The following KRT12 variants were observed in gnomAD, a reference collection of about 807,000 sequenced individuals.
KRT12 encodes keratin, type I cytoskeletal 12.
In KRT12, 43 loss-of-function variants were observed where a neutral mutation model predicts 50.2. The observed-to-expected ratio is 0.86, with a 90% CI of 0.67 to 1.11. The LOEUF (loss-of-function observed/expected upper bound fraction) is 1.11. Among genes scored for constraint, KRT12 ranks in the 50% least tolerant of loss-of-function variants. The pLI, the probability that KRT12 is intolerant of heterozygous loss-of-function variation, is 0.00. For missense variants in KRT12, 588 were observed against 625.6 expected, an observed-to-expected ratio of 0.94 and a Z score of 0.64; for synonymous variants, 257 against 253.6, an observed-to-expected ratio of 1.01 and a Z score of -0.13.
intron 7 of KRT12, among the ~76,000 whole-genome samples, chr17:40,861,959 T>C (rs1906818443): frequency 6.6e-6 from 1 of 152,266 alleles, no homozygotes; most frequent in South Asian, 2.1e-4. Flanking sequence ...TGTACATATA[T>C]GAAAACTTTT....
Position 40,863,696 on chromosome 17 carries a change from G to A in KRT12, c.969+7C>T. On this transcript the variant is annotated splice_region_variant and intron_variant, in intron 4 of 7. Transcript: ENST00000251643. The surrounding 1 kb of genome is among the most constrained non-coding windows in gnomAD (Gnocchi z 4.2). ...GAATGTATCAAAGCCTTTGTTGTTT[G>A]TGTTACCTTTTCAATGAACCAGGCT... The A allele has an allele frequency of 1.2e-6, 2 of 1,614,124 alleles. No homozygotes were observed. The highest frequency in any genetic ancestry group is 1.7e-6 in the Non-Finnish European group (2 of 1,180,032).
Position 40,863,633 on chromosome 17 carries a change from G to T in KRT12, c.970-23C>A. ...GCTCTGCAACAGCAAAGACAGCCAG[G>T]GGGCTCGAGCGCTGAGCTCGTTCGC... is the stretch of plus-strand genomic sequence containing the variant. On this transcript the variant is annotated intron_variant, in intron 4 of 7. Coordinates refer to ENST00000251643, the MANE Select transcript of KRT12 (RefSeq NM_000223.4). This position sits in a 1 kb window ranked among gnomAD's most constrained non-coding sequence, Gnocchi z 4.2. 1 of 1,614,212 alleles carries T rather than the reference G, an allele frequency of 6.2e-7. No individual in the cohort carries two copies. The highest frequency in any genetic ancestry group is 1.1e-5 in the South Asian group (1 of 91,088).
At chr17:40,862,735 A>C in intron 6 of KRT12, 100 bp from the exon 7 acceptor site, 2 of 897,448 alleles carry the variant, frequency 2.2e-6, no homozygotes, top group Non-Finnish European at 3.8e-6. Context: ...TGTAGGCCTG[A>C]GTTCTTCCAA....
chr17:40,861,505 G>A lies in KRT12; in HGVS notation c.*156C>T, dbSNP rs1377754942. 3 of 650,732 alleles carry A rather than the reference G, an allele frequency of 4.6e-6. No individual in the cohort carries two copies. The highest frequency in any genetic ancestry group is 8.4e-6 in the Non-Finnish European group (3 of 359,114). 40.3% of individuals were successfully genotyped at this position (650,732 alleles called of 1,614,324 possible). A position where few individuals can be genotyped will look rare whatever the true frequency, so the allele number is the denominator to read the frequency against. ...TGTGACTGAATATTGTTTCAGAAGGGCAAAAAGGATTCAATGTGAATAGGG... is the reference window on the plus strand; with the variant it reads ...TGTGACTGAATATTGTTTCAGAAGGACAAAAAGGATTCAATGTGAATAGGG... On this transcript the variant is annotated 3_prime_UTR_variant, in exon 8 of 8. Coordinates refer to ENST00000251643, the MANE Select transcript of KRT12 (RefSeq NM_000223.4).
chr17:40,863,012 CT>C lies in KRT12; in HGVS notation c.1316+110del. The C allele has an allele frequency of 1.1e-6, 1 of 928,006 alleles. No individual in the cohort carries two copies. The highest frequency in any genetic ancestry group is 1.4e-5 in the South Asian group (1 of 73,194). 57.5% of individuals were successfully genotyped at this position (928,006 alleles called of 1,614,324 possible). A position where few individuals can be genotyped will look rare whatever the true frequency, so the allele number is the denominator to read the frequency against. On this transcript the variant is annotated intron_variant, in intron 6 of 7. Transcript: ENST00000251643. This position sits in a 1 kb window ranked among gnomAD's most constrained non-coding sequence, Gnocchi z 4.2. ...AAATCCCAGGCATATCTTTACTAGA[CT>C]TGTGTTTGTTTGTTTGCTTTTCTGT...
At position 40,863,390 on chromosome 17, in the gene KRT12, G is replaced by A. The variant is rs1246089672; in HGVS notation, c.1096-47C>T. On this transcript the variant is annotated intron_variant, in intron 5 of 7. Transcript: ENST00000251643. The surrounding 1 kb of genome is among the most constrained non-coding windows in gnomAD (Gnocchi z 4.2). ...CATAGAAATAACGATGGAGGGGACCGAAAAGAGGAGGGTAGCCAACGGCTA... is the reference window on the plus strand; with the variant it reads ...CATAGAAATAACGATGGAGGGGACCAAAAAGAGGAGGGTAGCCAACGGCTA... The A allele has an allele frequency of 1.2e-6, 2 of 1,612,962 alleles. No individual in the cohort carries two copies. Among genetic ancestry groups the A allele is most frequent in the Non-Finnish European group, 1.7e-6 (2 of 1,179,022 alleles).
chr17:40,861,687 C>T lies in KRT12; in HGVS notation c.1459G>A (p.Val487Ile). The T allele has an allele frequency of 6.2e-7, 1 of 1,612,536 alleles. No homozygotes were observed. Among genetic ancestry groups the T allele is most frequent in the Non-Finnish European group, 8.5e-7 (1 of 1,178,554 alleles). ...TACATTAGTTCTTCAATTTCCTGAA[C>T]TTGAGATGAGACCACCTCACCATTC... is the stretch of plus-strand genomic sequence containing the variant. ...MVNGEVVSSQVQEIEELM is the reference protein window; with the variant it reads ...MVNGEVVSSQIQEIEELM Residue 487 changes from valine to isoleucine, a missense_variant, in exon 8 of 8, where the codon GTT becomes ATT. Transcript: ENST00000251643.
At position 40,863,767 on chromosome 17, in the gene KRT12, C is replaced by T. The variant is rs1266919613; in HGVS notation, c.905G>A (p.Arg302Gln). The change falls in exon 4 of 8, where the codon CGG becomes CAG. Residue 302 changes from arginine to glutamine, a missense_variant. By Grantham distance (43) the Arg-to-Gln change is conservative. Coordinates refer to ENST00000251643, the MANE Select transcript of KRT12 (RefSeq NM_000223.4). This position sits in a 1 kb window ranked among gnomAD's most constrained non-coding sequence, Gnocchi z 4.2. Reference protein sequence around the residue: ...VDLTRLLNDMRAQYETIAEQN... With the variant: ...VDLTRLLNDMQAQYETIAEQN... Reference sequence around the variant, plus strand: ...CTCAGCGATGGTTTCATACTGCGCCCGCATATCATTGAGGAGCCTGGTGAG... The same window carrying T: ...CTCAGCGATGGTTTCATACTGCGCCTGCATATCATTGAGGAGCCTGGTGAG... The T allele has an allele frequency of 1.2e-6, 2 of 1,613,116 alleles. No homozygotes were observed. The highest frequency in any genetic ancestry group is 8.5e-7 in the Non-Finnish European group (1 of 1,180,010).
At chr17:40,862,737 T>C in intron 6 of KRT12, 102 bp from the exon 7 acceptor site, 1 of 871,104 alleles carries the variant, frequency 1.1e-6, no homozygotes, top group Non-Finnish European at 2.0e-6. Flanking sequence ...TAGGCCTGAG[T>C]TCTTCCAACT....
intron 3 of KRT12, 33 bp downstream of exon 3, chr17:40,864,773 A>T: frequency 6.2e-7 from 1 of 1,610,722 alleles, no homozygotes; most frequent in South Asian, 1.1e-5. Flanking sequence ...GAAAAAAAAA[A>T]GTAGCTGAGT....
intron 3 of KRT12, 128 bp downstream of exon 3, chr17:40,864,678 C>A (rs1160910764): frequency 2.1e-6 from 2 of 960,938 alleles, no homozygotes; most frequent in African/African-American, 3.2e-5. Flanking sequence ...AACAAATGGC[C>A]ATTTTAACAG....
At chr17:40,864,602 C>T (rs1188850009) in intron 3 of KRT12, among the ~76,000 whole-genome samples, 1 of 152,052 alleles carries the variant, frequency 6.6e-6, no homozygotes, top group Non-Finnish European at 1.5e-5. Context: ...GCAGGAACCA[C>T]CATCACTACT....
At position 40,866,936 on chromosome 17, in the gene KRT12, C is replaced by G. The variant is rs756755206; in HGVS notation, c.251G>C (p.Gly84Ala). 6.2e-7 allele frequency: 1 copy of G among 1,610,680 alleles called. No homozygotes were observed. Among genetic ancestry groups the G allele is most frequent in the South Asian group, 1.1e-5 (1 of 90,750 alleles). ...ACCTCCACCCAGGGCTCTCCCATAA[C>G]CAGCACCCAGTCCTCCTGCCATGGA... is the stretch of plus-strand genomic sequence containing the variant. ...GSSMAGGLGA[G>A]YGRALGGGSF... The change falls in exon 1 of 8, where the codon GGT becomes GCT. Residue 84 changes from glycine (G) to alanine (A), a missense_variant. Coordinates refer to ENST00000251643, the MANE Select transcript of KRT12 (RefSeq NM_000223.4).
At chr17:40,862,057 T>C (rs988791121) in intron 7 of KRT12, among the ~76,000 whole-genome samples, 2 of 152,140 alleles carry the variant, frequency 1.3e-5, no homozygotes, top group African/African-American at 4.8e-5. Flanking sequence ...CCATTTTTTT[T>C]ATTTTTTAAT....
intron 3 of KRT12, among the ~76,000 whole-genome samples, 158 bp from the exon 4 acceptor site, chr17:40,864,022 A>G (rs1455912427): frequency 6.6e-6 from 1 of 150,934 alleles, no homozygotes; most frequent in Non-Finnish European, 1.5e-5. Context: ...CTGTTGGTAT[A>G]AAGACAAATA....
At chr17:40,866,460 G>A (rs1907026093) in intron 1 of KRT12, among the ~76,000 whole-genome samples, 160 bp downstream of exon 1, 1 of 152,124 alleles carries the variant, frequency 6.6e-6, no homozygotes, top group Admixed American at 6.5e-5. Context: ...TCATTTCTTA[G>A]TAAATGATAA....
Position 40,863,115 on chromosome 17 carries a change from C to T in KRT12, c.1316+8G>A. On this transcript the variant is annotated splice_region_variant and intron_variant, in intron 6 of 7. Transcript: ENST00000251643. The surrounding 1 kb of genome is among the most constrained non-coding windows in gnomAD (Gnocchi z 4.2). ...TGAAGGTGTTTACAGCCTCCGTTGT[C>T]TGCTCACCCTTGGGCCTCCCCGTCC... The T allele has an allele frequency of 6.2e-7, 1 of 1,613,804 alleles. No homozygotes were observed. The highest frequency in any genetic ancestry group is 1.1e-5 in the South Asian group (1 of 91,070).
Position 40,863,515 on chromosome 17 carries a change from C to G in KRT12, c.1065G>C (p.Leu355=). 3.7e-6 allele frequency: 6 copies of G among 1,614,242 alleles called. No individual in the cohort carries two copies. Among genetic ancestry groups the G allele is most frequent in the Non-Finnish European group, 5.1e-6 (6 of 1,180,042 alleles). ...VTDLRRAFQN[L]EIELQSQLAM... ...CGAGCTGGGACTGTAGCTCGATCTCCAGGTTCTGAAAGGCGCGACGCAGGT... is the reference window on the plus strand; with the variant it reads ...CGAGCTGGGACTGTAGCTCGATCTCGAGGTTCTGAAAGGCGCGACGCAGGT... Residue 355 remains leucine, a synonymous_variant, in exon 5 of 8, where the codon CTG becomes CTC. Transcript: ENST00000251643. This position sits in a 1 kb window ranked among gnomAD's most constrained non-coding sequence, Gnocchi z 4.2.
chr17:40,862,557 C>G lies in KRT12; in HGVS notation c.1387+8G>C, dbSNP rs755634260. 5.6e-6 allele frequency: 9 copies of G among 1,602,028 alleles called. No individual in the cohort carries two copies. Among genetic ancestry groups the G allele is most frequent in the Admixed American group, 5.0e-5 (3 of 59,986 alleles). On this transcript the variant is annotated splice_region_variant and intron_variant, in intron 7 of 7. Coordinates refer to ENST00000251643, the MANE Select transcript of KRT12 (RefSeq NM_000223.4). ...CTTATTCTAAGTGATTCTAGGGTTT[C>G]TGCATACCTTTAGAGGAATCAGTTG...
Sources: gnomAD v4.1 joint callset for allele counts (sites outside exome capture counted in the v4.1 genomes callset) on GRCh38, gnomAD v4.1.1 for gene constraint, Gnocchi (gnomAD v3.1) non-coding constraint, MANE v1.5 for transcripts, NCBI Gene and HGNC (gene_info 2026-07-23, HGNC 2026-07-21) for gene names.